The following ATRNL1 variants were observed in gnomAD, a reference collection of about 807,000 sequenced individuals.
ATRNL1 encodes attractin-like protein 1.
In ATRNL1, 95 loss-of-function variants were observed where a neutral mutation model predicts 182.7. The observed-to-expected ratio is 0.52, with a 90% CI of 0.44 to 0.62. The LOEUF (loss-of-function observed/expected upper bound fraction) is 0.62, where lower values mean the gene tolerates loss of function less well. ATRNL1 is among the 20% of genes least tolerant of loss of function. The pLI is 0.00. For synonymous variants in ATRNL1, 576 were observed against 568.3 expected (o/e 1.01, Z -0.19); for missense variants, 1,471 against 1,679.5 (o/e 0.88, Z 2.17).
At chr10:115,564,546 G>A (rs1437376011) in intron 26 of ATRNL1, among the ~76,000 whole-genome samples, 1 of 151,820 alleles carries the variant, frequency 6.6e-6, no homozygotes, top group Admixed American at 6.6e-5. Context: ...ATTTTTAGAA[G>A]TCATCTCCTC....
intron 25 of ATRNL1, among the ~76,000 whole-genome samples, chr10:115,528,053 CCTTCCTTCCTTCCTTCCTTT>C (rs1851349021): frequency 6.2e-5 from 5 of 80,074 alleles, no homozygotes; most frequent in African/African-American, 1.9e-4. Flanking sequence ...TTCCTTCCTT[CCTTCCTTCCTTCCTTCCTTT>C]CCCTTCTCAT....
chr10:115,424,782 T>C (rs1234096992), intron 20 of ATRNL1, among the ~76,000 whole-genome samples: 2 of 152,012 alleles, frequency 1.3e-5, no homozygotes, highest in Non-Finnish European at 2.9e-5. Flanking sequence ...TGAGAAGCTG[T>C]GGAGGATTTT....
intron 28 of ATRNL1, among the ~76,000 whole-genome samples, chr10:115,927,272 C>A (rs1199962043): frequency 6.6e-6 from 1 of 152,060 alleles, no homozygotes; most frequent in Non-Finnish European, 1.5e-5. Context: ...ATCATGAGAG[C>A]TATTTATGAC....
intron 8 of ATRNL1, among the ~76,000 whole-genome samples, chr10:115,210,481 C>G (rs1482318209): frequency 6.6e-6 from 1 of 151,898 alleles, no homozygotes; most frequent in Admixed American, 6.6e-5. Context: ...CACATACCTC[C>G]TTTCTACCCT....
chr10:115,883,387 A>G (rs1951872300), intron 28 of ATRNL1, among the ~76,000 whole-genome samples: 1 of 152,190 alleles, frequency 6.6e-6, no homozygotes, highest in Non-Finnish European at 1.5e-5. Flanking sequence ...TTAGATAAAC[A>G]CCCCACAGAA....
chr10:115,225,256 A>G (rs1849643356), intron 9 of ATRNL1, among the ~76,000 whole-genome samples: 1 of 151,770 alleles, frequency 6.6e-6, no homozygotes, highest in African/African-American at 2.4e-5. Context: ...TATAGATAAA[A>G]TTTATCATGT....
chr10:115,210,965 T>C (rs1848996358), intron 8 of ATRNL1, among the ~76,000 whole-genome samples: 1 of 151,860 alleles, frequency 6.6e-6, no homozygotes, highest in Non-Finnish European at 1.5e-5. Flanking sequence ...TTTTCCATCA[T>C]CATATATTAT....
chr10:115,292,120 G>GT (rs1327679880), intron 15 of ATRNL1, among the ~76,000 whole-genome samples: 3 of 151,700 alleles, frequency 2.0e-5, no homozygotes, highest in Non-Finnish European at 2.9e-5. Context: ...TTCATTTCCT[G>GT]TAAGTTTTCA....
intron 13 of ATRNL1, among the ~76,000 whole-genome samples, chr10:115,273,067 A>G (rs1851942616): frequency 6.6e-6 from 1 of 152,178 alleles, no homozygotes; most frequent in South Asian, 2.1e-4. Flanking sequence ...TCCTCCAGGT[A>G]GCTGGCTGAT....
intron 22 of ATRNL1, among the ~76,000 whole-genome samples, chr10:115,462,484 C>T (rs781895721): frequency 2.2e-4 from 33 of 151,920 alleles, no homozygotes; most frequent in Admixed American, 3.3e-4. Context: ...TGATGGTGCG[C>T]GCCTATAGTC....
chr10:115,827,432 G>A (rs1382295196), intron 27 of ATRNL1, among the ~76,000 whole-genome samples: 1 of 152,190 alleles, frequency 6.6e-6, no homozygotes, highest in African/African-American at 2.4e-5. Context: ...CAGTTTAGCA[G>A]ATAATGCTGG....
At chr10:115,529,065 A>T (rs7085497) in intron 25 of ATRNL1, among the ~76,000 whole-genome samples, 107,731 of 151,836 alleles carry the variant, frequency 0.71, 39,409 homozygotes, top group African/African-American at 0.82. Context: ...TTCTGTGCCC[A>T]TCAGGAGAAT....
intron 19 of ATRNL1, among the ~76,000 whole-genome samples, chr10:115,334,733 A>G (rs1855402638): frequency 6.6e-6 from 1 of 152,196 alleles, no homozygotes; most frequent in South Asian, 2.1e-4. Flanking sequence ...AGTTTTTTTA[A>G]TAAGTAATAA....
At chr10:115,462,128 C>T in intron 22 of ATRNL1, 93 bp downstream of exon 22, 1 of 767,044 alleles carries the variant, frequency 1.3e-6, no homozygotes, top group Non-Finnish European at 2.0e-6. Context: ...AGAATTATCA[C>T]ATTGTAGGGC....
intron 24 of ATRNL1, among the ~76,000 whole-genome samples, chr10:115,503,535 C>T (rs1050632450): frequency 6.9e-5 from 10 of 145,906 alleles, no homozygotes; most frequent in Non-Finnish European, 1.5e-4. Flanking sequence ...ATTAAAATCT[C>T]ATATAATTTA....
At chr10:115,163,670 T>G (rs1292652037) in intron 6 of ATRNL1, among the ~76,000 whole-genome samples, 1 of 152,072 alleles carries the variant, frequency 6.6e-6, no homozygotes, top group Admixed American at 6.6e-5. Context: ...CTGGCCTGGA[T>G]TTTGTACTTT....
intron 24 of ATRNL1, among the ~76,000 whole-genome samples, chr10:115,472,145 A>G (rs955944576): frequency 1.3e-5 from 2 of 151,022 alleles, no homozygotes; most frequent in South Asian, 4.1e-4. Context: ...TGAGTCAAAG[A>G]TCAGTTGACG....
chr10:115,171,377 T>G, intron 8 of ATRNL1, 85 bp downstream of exon 8: 10 of 1,257,900 alleles, frequency 7.9e-6, no homozygotes, highest in Non-Finnish European at 1.1e-5. Flanking sequence ...TTAGTCAAAA[T>G]GGTGAGTTAT....
chr10:115,932,751 C>A (rs1555121929), intron 28 of ATRNL1, among the ~76,000 whole-genome samples: 1 of 152,080 alleles, frequency 6.6e-6, no homozygotes, highest in African/African-American at 2.4e-5. Flanking sequence ...CTTAAGAGAG[C>A]AGAAATATCA....
Sources: allele counts gnomAD v4.1 joint callset (sites outside exome capture counted in the v4.1 genomes callset), GRCh38; gene constraint gnomAD v4.1.1; transcripts MANE v1.5; gene names NCBI Gene and HGNC (gene_info 2026-07-23, HGNC 2026-07-21).